Variants in ZNF347 observed in about 807,000 individuals in gnomAD.
The protein encoded by ZNF347 is CTD-2620I22.7.
A neutral mutation model predicts 12.9 loss-of-function variants in ZNF347; 19 were observed. The observed-to-expected ratio is 1.47, with a 90% confidence interval of 1.03 to 2.16. The LOEUF is 2.16. ZNF347 is among the 30% of genes most tolerant of loss of function. The pLI is 0.00. For missense variants in ZNF347, 1,005 were observed against 990.6 expected, an observed-to-expected ratio of 1.01 and a Z score of -0.19; for synonymous variants, 328 against 340.6, an observed-to-expected ratio of 0.96 and a Z score of 0.41.
At chr19:53,155,801 T>C (rs894980720) in intron 1 of ZNF347, among the ~76,000 whole-genome samples, 2 of 152,106 alleles carry the variant, frequency 1.3e-5, no homozygotes, top group Admixed American at 6.5e-5. Flanking sequence ...TGGTACACAA[T>C]TGCAGGGCCA....
At chr19:53,146,591 T>C (rs2090464896) in intron 4 of ZNF347, among the ~76,000 whole-genome samples, 1 of 152,068 alleles carries the variant, frequency 6.6e-6, no homozygotes, top group Admixed American at 6.6e-5. Flanking sequence ...AGTAGGTTTT[T>C]CTAAAAGATA....
intron 2 of ZNF347, among the ~76,000 whole-genome samples, chr19:53,150,604 G>T (rs2090491025): frequency 6.6e-6 from 1 of 152,268 alleles, no homozygotes; most frequent in South Asian, 2.1e-4. Flanking sequence ...GAGCATGAGT[G>T]ATGTCTTACG....
chr19:53,151,876 C>T (rs2146810969), intron 2 of ZNF347, among the ~76,000 whole-genome samples: 1 of 152,100 alleles, frequency 6.6e-6, no homozygotes, highest in Admixed American at 6.6e-5. Context: ...GGGCGGATCA[C>T]GAGGTCAGGA....
intron 1 of ZNF347, among the ~76,000 whole-genome samples, chr19:53,155,113 T>C (rs2090523640): frequency 6.6e-6 from 1 of 152,152 alleles, no homozygotes; most frequent in East Asian, 1.9e-4. Flanking sequence ...AATTTTTGTA[T>C]TTTTAGTAGA....
intron 1 of ZNF347, among the ~76,000 whole-genome samples, chr19:53,154,620 G>A (rs1283623656): frequency 2.0e-5 from 3 of 152,126 alleles, no homozygotes; most frequent in African/African-American, 7.2e-5. Flanking sequence ...ACAAATAGAT[G>A]TGTAAAGCTT....
chr19:53,141,860 C>A lies in ZNF347; in HGVS notation c.968G>T (p.Gly323Val). The change falls in exon 5 of 5, where the codon GGT becomes GTT. Residue 323 changes from glycine to valine, a missense_variant. Gly to Val is a moderately radical substitution (Grantham distance 109, BLOSUM62 -3). Transcript: ENST00000334197. ...TTGTGAATTTCGACTAAAGACCTTACCACACTCATTACATTTGTAACGTTT... is the reference window on the plus strand; with the variant it reads ...TTGTGAATTTCGACTAAAGACCTTAACACACTCATTACATTTGTAACGTTT... ...GEKRYKCNEC[G>V]KVFSRNSQLS... The A allele has an allele frequency of 6.2e-7, 1 of 1,614,028 alleles. No individual in the cohort carries two copies.
chr19:53,156,947 G>T (rs150812718), intron 1 of ZNF347, among the ~76,000 whole-genome samples: 3 of 152,156 alleles, frequency 2.0e-5, no homozygotes, highest in African/African-American at 7.2e-5. Context: ...ACACATTTTC[G>T]TGAGTGGAGG....
rs181920891 is a variant in ZNF347, at chr19:53,139,569, G to C, written c.*739C>G. The C allele has an allele frequency of 1.4e-4, 21 of 152,256 alleles. No individual in the cohort carries two copies. Among genetic ancestry groups the C allele is most frequent in the African/African-American group, 5.1e-4 (21 of 41,544 alleles). 9.4% of individuals were successfully genotyped at this position (152,256 alleles called of 1,614,324 possible). On this transcript the variant is annotated 3_prime_UTR_variant, in exon 5 of 5. Transcript: ENST00000334197. ...CATTTCCAAATGTCCTTTGACCTTTGAAATATATAATGTCTTAAGTTTTAC... is the reference window on the plus strand; with the variant it reads ...CATTTCCAAATGTCCTTTGACCTTTCAAATATATAATGTCTTAAGTTTTAC...
In ZNF347 at chr19:53,140,941, C is replaced by T; in HGVS notation, c.1887G>A (p.Glu629=). ...AATGTTCACTAAAGGCTTTGCCATA[C>T]TCATTATACTTGTAAGGTTTCTCTC... ...HTGEKPYKYN[E]YGKAFSEHSN... Residue 629 remains glutamate (E), a synonymous_variant, in exon 5 of 5, where the codon GAG becomes GAA. Transcript: ENST00000334197. 6.2e-7 allele frequency: 1 copy of T among 1,613,454 alleles called. No homozygotes were observed. Among genetic ancestry groups the T allele is most frequent in the Non-Finnish European group, 8.5e-7 (1 of 1,179,892 alleles).
chr19:53,135,369 A>AGAGAGAGAGAGAGAGAG lies in ZNF347; in HGVS notation c.*4938_*4939insCTCTCTCTCTCTCTCTC, dbSNP rs2090382771. 3.4e-5 allele frequency: 3 copies of AGAGAGAGAGAGAGAGAG among 87,934 alleles called. No homozygotes were observed. The highest frequency in any genetic ancestry group is 1.4e-4 in the African/African-American group (3 of 22,164). The allele number at this position is 87,934 out of a possible 1,614,324, so 5.4% of individuals were successfully genotyped here. Reference sequence around the variant, plus strand: ...AGAGAGAGAGAGAGAGAGAGAGAGAAAGAGAGAGAGAGAGAGAGAGAGAGA... The same window carrying AGAGAGAGAGAGAGAGAG: ...AGAGAGAGAGAGAGAGAGAGAGAGAAGAGAGAGAGAGAGAGAGAGAGAGAGAGAGAGAGAGAGAGAGA... On this transcript the variant is annotated 3_prime_UTR_variant, in exon 5 of 5. Coordinates refer to ENST00000334197, the MANE Select transcript of ZNF347 (RefSeq NM_032584.3).
chr19:53,149,579 T>C (rs1348858864), intron 2 of ZNF347: 5 of 919,658 alleles, frequency 5.4e-6, no homozygotes, highest in Middle Eastern at 3.5e-4. Flanking sequence ...GCTAATGAGA[T>C]GACTGGTGGC....
At chr19:53,158,706 T>C (rs915819430) in intron 1 of ZNF347, 1 of 152,048 alleles carries the variant, frequency 6.6e-6, no homozygotes, top group African/African-American at 2.4e-5. Flanking sequence ...GAGATCAGCC[T>C]GGGCAACACG....
rs113788271 is a variant in ZNF347 at position 53,153,966 on chromosome 19, G to A, written c.-46-173C>T. ...TGCCCACTGCACCAGGGCAATGCAG[G>A]GACAAGAAGCTCCTATGGGAAGATC... On this transcript the variant is annotated intron_variant, in intron 1 of 4. Coordinates refer to ENST00000334197, the MANE Select transcript of ZNF347 (RefSeq NM_032584.3). 4.3e-3 allele frequency among the ~76,000 whole-genome samples: 657 copies of A among 152,198 alleles called. 6 individuals carry two copies. The highest frequency in any genetic ancestry group is 0.014 in the African/African-American group (583 of 41,526).
In ZNF347 at chr19:53,141,244, A is replaced by C. The variant is rs1218124345; in HGVS notation, c.1584T>G (p.Leu528=). 2 of 1,613,682 alleles carry C rather than the reference A, an allele frequency of 1.2e-6. No individual in the cohort carries two copies. The highest frequency in any genetic ancestry group is 2.7e-5 in the African/African-American group (2 of 74,830). Residue 528 remains leucine (L), a synonymous_variant, in exon 5 of 5, where the codon CTT becomes CTG. Coordinates refer to ENST00000334197, the MANE Select transcript of ZNF347 (RefSeq NM_032584.3). Reference sequence around the variant, plus strand: ...CAGTATGAATTCTTTGATGATTTGCAAGGTGTGAATTTTGAGTGAAGACCT... The same window carrying C: ...CAGTATGAATTCTTTGATGATTTGCCAGGTGTGAATTTTGAGTGAAGACCT... The part of the protein sequence containing the change: ...CGKVFTQNSH[L]ANHQRIHTGV...
In ZNF347 at chr19:53,141,810, T is replaced by G. The variant is rs765720651; in HGVS notation, c.1018A>C (p.Thr340Pro). Reference protein sequence around the residue: ...SQLSQHQKIHTGEKPYKCNEC... With the variant: ...SQLSQHQKIHPGEKPYKCNEC... ...TTACATTTATAAGGTTTCTCTCCAG[T>G]GTGAATTTTCTGATGTTGTGAGAGT... The change falls in exon 5 of 5, where the codon ACT (threonine) becomes CCT (proline). Residue 340 changes from threonine (T) to proline (P), a missense_variant. By Grantham distance (38) the Thr-to-Pro change is conservative. Transcript: ENST00000334197. 5 of 1,614,072 alleles carry G rather than the reference T, an allele frequency of 3.1e-6. No individual in the cohort carries two copies. The South Asian group carries it at 4.4e-5, about 14-fold the overall frequency.
At chr19:53,154,917 T>A (rs1448204378) in intron 1 of ZNF347, among the ~76,000 whole-genome samples, 3 of 151,276 alleles carry the variant, frequency 2.0e-5, no homozygotes, top group African/African-American at 4.8e-5. Context: ...TACTACAGAC[T>A]GAAAGGTAGT....
In ZNF347 at chr19:53,156,047, G is replaced by GGGGGGGT. The variant is rs1234851808; in HGVS notation, c.-46-2255_-46-2254insACCCCCC. ...GGACTCCCAGGGGACTCCCAGCTCG[G>GGGGGGGT]GGGGGGGGGGGGGTTAGGCGGGGGT... is the stretch of plus-strand genomic sequence containing the variant. On this transcript the variant is annotated intron_variant, in intron 1 of 4. Transcript: ENST00000334197. 1.2e-3 allele frequency among the ~76,000 whole-genome samples: 131 copies of GGGGGGGT among 108,600 alleles called. 8 individuals are homozygous for GGGGGGGT. The highest frequency in any genetic ancestry group is 1.8e-3 in the East Asian group (5 of 2,710). The allele number at this position is 108,600 out of a possible 152,430, so 71.2% of individuals were successfully genotyped here.
intron 1 of ZNF347, among the ~76,000 whole-genome samples, chr19:53,154,031 T>G (rs1292394929): frequency 6.6e-6 from 1 of 151,966 alleles, no homozygotes; most frequent in Non-Finnish European, 1.5e-5. Flanking sequence ...GAACCCACTC[T>G]CCTCCTGGAG....
rs566836553 is a variant in ZNF347 at position 53,147,418 on chromosome 19, C to T, written c.271+1263G>A. 1.1e-3 allele frequency among the ~76,000 whole-genome samples: 173 copies of T among 151,750 alleles called. 1 individual carries two copies. The highest frequency in any genetic ancestry group is 3.7e-3 in the African/African-American group (154 of 41,404). ...AAACAAAAAAACACAATTAGTTGGG[C>T]GTGGTAGTGTGTGCCTGTAACCCCA... is the stretch of plus-strand genomic sequence containing the variant. On this transcript the variant is annotated intron_variant, in intron 4 of 4. Transcript: ENST00000334197.
Sources: allele counts gnomAD v4.1 joint callset (sites outside exome capture counted in the v4.1 genomes callset), GRCh38; gene constraint gnomAD v4.1.1; transcripts MANE v1.5; gene names NCBI Gene and HGNC (gene_info 2026-07-23, HGNC 2026-07-21).